Variants in NTRK1 observed in about 807,000 individuals in gnomAD.
NTRK1 encodes neurotrophic receptor tyrosine kinase 1, also known as high affinity nerve growth factor receptor.
Under a neutral mutation model 86.8 loss-of-function variants are expected in NTRK1, and 62 were observed. The ratio of observed to expected loss-of-function variants is 0.71; its 90% CI spans 0.58 to 0.88. NTRK1 has a LOEUF of 0.88. Among genes scored for constraint, NTRK1 ranks in the 40% least tolerant of loss-of-function variants. The pLI is 0.00. For missense variants in NTRK1, 967 were observed against 1,078.4 expected (o/e 0.90, Z 1.45); for synonymous variants, 469 against 456.6 (o/e 1.03, Z -0.35).
At chr1:156,846,517 A>G (rs1353076873) in intron 2 of NTRK1, 11 of 1,609,878 alleles carry the variant, frequency 6.8e-6, no homozygotes, top group African/African-American at 1.3e-5. Context: ...CCAAATGCCT[A>G]CCTGCAGGCA....
intron 2 of NTRK1, chr1:156,851,676 C>T (rs771671120): frequency 1.9e-6 from 3 of 1,614,192 alleles, no homozygotes; most frequent in South Asian, 1.1e-5. Context: ...ATGAGGCTTC[C>T]CTCCACATGC....
At position 156,868,007 on chromosome 1, in the gene NTRK1, G is replaced by A. The variant is rs1473913944; in HGVS notation, c.429-97G>A. ...GACCTCTGTGTCCTCCCTTTCACCT[G>A]TAGACGGTCCTCCCTGCTGCCTAAC... On this transcript the variant is annotated intron_variant, in intron 4 of 16. Transcript: ENST00000524377. The A allele has an allele frequency of 4.4e-6, 6 of 1,365,776 alleles. No individual in the cohort carries two copies. The African/African-American group carries it at 8.5e-5, about 19-fold the overall frequency. The allele number at this position is 1,365,776 out of a possible 1,614,324, so 84.6% of individuals were successfully genotyped here.
At chr1:156,845,877 C>G in intron 2 of NTRK1, 1 of 1,598,622 alleles carries the variant, frequency 6.3e-7, no homozygotes, top group Non-Finnish European at 8.5e-7. Context: ...ATCCCCCCCA[C>G]CTGCCGGGGC....
intron 1 of NTRK1, chr1:156,842,074 T>A: frequency 1.2e-6 from 2 of 1,612,342 alleles, no homozygotes; most frequent in Non-Finnish European, 1.7e-6. Context: ...GTCTCTCTAC[T>A]TTTCAGGCCG....
intron 1 of NTRK1, among the ~76,000 whole-genome samples, chr1:156,862,627 C>T (rs1655707545): frequency 6.6e-6 from 1 of 152,150 alleles, no homozygotes; most frequent in Non-Finnish European, 1.5e-5. Context: ...TCCCTCCTCA[C>T]TCACCCGCAG....
At position 156,849,504 on chromosome 1, in the gene NTRK1, AG is replaced by A. The variant is rs1655130364; in HGVS notation, c.50+7316del. On this transcript the variant is annotated intron_variant, in intron 2 of 16. Transcript: ENST00000392302. ...CCTTGCTCTGCGGGGAGGTGGGGGC[AG>A]GGGGTGGGAAAGGGGATGGCTTATG... is the stretch of plus-strand genomic sequence containing the variant. 3 of 243,716 alleles carry A rather than the reference AG, an allele frequency of 1.2e-5. No individual in the cohort carries two copies. The East Asian group carries it at 2.6e-4, about 21-fold the overall frequency. The allele number at this position is 243,716 out of a possible 1,614,324, so 15.1% of individuals were successfully genotyped here. A position where few individuals can be genotyped will look rare whatever the true frequency, so the allele number is the denominator to read the frequency against.
rs754329045 is a variant in NTRK1 at position 156,874,580 on chromosome 1, G to A, written c.1205G>A (p.Ser402Asn). 1 of 1,614,156 alleles carries A rather than the reference G, an allele frequency of 6.2e-7. No individual in the cohort carries two copies. The highest frequency in any genetic ancestry group is 1.7e-5 in the Admixed American group (1 of 60,026). The change falls in exon 10 of 17, where the codon AGC (serine) becomes AAC (asparagine). Residue 402 changes from serine to asparagine, a missense_variant. Physicochemically the swap from Ser to Asn is conservative, Grantham distance 46. Transcript: ENST00000524377. Reference protein sequence around the residue: ...PVSFSPVDTNSTSGDPVEKKD... With the variant: ...PVSFSPVDTNNTSGDPVEKKD... ...CCCTGTGTCCCTACAGACACTAACA[G>A]CACATCTGGAGACCCGGTGGAGAAG...
upstream of NTRK1, among the ~76,000 whole-genome samples, chr1:156,857,045 A>G (rs989768621): frequency 6.6e-6 from 1 of 151,746 alleles, no homozygotes; most frequent in Non-Finnish European, 1.5e-5. Flanking sequence ...TCCAGGCCCC[A>G]TTCCTGATAG....
chr1:156,835,825 C>G (rs1383424012), intron 1 of NTRK1, among the ~76,000 whole-genome samples: 1 of 152,206 alleles, frequency 6.6e-6, no homozygotes, highest in African/African-American at 2.4e-5. Context: ...GCATTAAGGT[C>G]TCTCCCCTAG....
intron 1 of NTRK1, among the ~76,000 whole-genome samples, chr1:156,817,047 T>TTC (rs3840456): frequency 0.021 from 2,387 of 113,828 alleles, 138 homozygotes; most frequent in African/African-American, 0.072. Context: ...GAACTTCCCT[T>TTC]TCTCTCTCTC....
exon 2 of NTRK1, chr1:156,842,185 G>C (rs777563118): frequency 1.2e-6 from 2 of 1,613,802 alleles, no homozygotes; most frequent in Non-Finnish European, 1.7e-6. Flanking sequence ...CAAACTTGTT[G>C]GCAGCAAGGT....
intron 3 of NTRK1, among the ~76,000 whole-genome samples, chr1:156,866,145 T>C (rs1219588832): frequency 6.6e-6 from 1 of 152,186 alleles, no homozygotes; most frequent in Non-Finnish European, 1.5e-5. Context: ...GTGGGTTGTG[T>C]CTTTGGTCCC....
intron 1 of NTRK1, among the ~76,000 whole-genome samples, chr1:156,832,949 G>A (rs1027178494): frequency 6.6e-6 from 1 of 152,204 alleles, no homozygotes; most frequent in Non-Finnish European, 1.5e-5. Flanking sequence ...CCCACTGCAG[G>A]ACCTACTATG....
chr1:156,872,069 C>T (rs1158462310), intron 7 of NTRK1, among the ~76,000 whole-genome samples: 1 of 152,154 alleles, frequency 6.6e-6, no homozygotes, highest in East Asian at 1.9e-4. Flanking sequence ...CTCATCGGGT[C>T]CTTCTCCCCG....
At chr1:156,845,546 ACCCCT>A in intron 2 of NTRK1, 1 of 392,138 alleles carries the variant, frequency 2.6e-6, no homozygotes, top group Non-Finnish European at 3.7e-6. Flanking sequence ...CACAAACCCC[ACCCCT>A]CCCGCAAGAC....
At chr1:156,843,403 C>T (rs377442639) in intron 2 of NTRK1, 1 of 1,612,444 alleles carries the variant, frequency 6.2e-7, no homozygotes, top group Non-Finnish European at 8.5e-7. Context: ...CCCACACCAC[C>T]TGTCCACCCA....
At chr1:156,841,071 G>T (rs747882547) in intron 1 of NTRK1, 22 of 1,572,820 alleles carry the variant, frequency 1.4e-5, no homozygotes, top group Non-Finnish European at 1.8e-5. Flanking sequence ...GCAGGCGTGG[G>T]TTCGGCTGCC....
In NTRK1 at chr1:156,839,536, C is replaced by T. The variant is rs78595410; in HGVS notation, c.-63-2545C>T. ...CACATGCCTCAATGGTGTCTCTACA[C>T]GTGCGATGAACACTGAGATTCTGGC... On this transcript the variant is annotated intron_variant, in intron 1 of 16. Coordinates refer to the NTRK1 transcript ENST00000392302. Among the ~76,000 whole-genome samples the T allele has an allele frequency of 7.4e-3, 1,133 of 152,354 alleles. 14 individuals carry two copies. Among genetic ancestry groups the T allele is most frequent in the African/African-American group, 0.026 (1,087 of 41,588 alleles).
Position 156,860,894 on chromosome 1 carries a change from A to G in NTRK1, c.-41A>G. 1.4e-6 allele frequency: 2 copies of G among 1,409,446 alleles called. No individual in the cohort carries two copies. The highest frequency in any genetic ancestry group is 1.8e-6 in the Non-Finnish European group (2 of 1,094,098). 87.3% of individuals were successfully genotyped at this position (1,409,446 alleles called of 1,614,324 possible). ...GCCTGGCAGCTGCAGCTGGGAGCGC[A>G]CAGACGGCTGCCCCGCCTGAGCGAG... is the stretch of plus-strand genomic sequence containing the variant. On this transcript the variant is annotated 5_prime_UTR_variant, in exon 1 of 17. Coordinates refer to ENST00000524377, the MANE Select transcript of NTRK1 (RefSeq NM_002529.4).
Sources: gnomAD v4.1 joint callset for allele counts (sites outside exome capture counted in the v4.1 genomes callset) on GRCh38, gnomAD v4.1.1 for gene constraint, MANE v1.5 for transcripts, NCBI Gene and HGNC (gene_info 2026-07-23, HGNC 2026-07-21) for gene names.